COL12A1: variants seen among roughly 807,000 people sequenced by gnomAD.
COL12A1 encodes the protein collagen alpha-1(XII) chain.
Under a neutral mutation model 349.7 loss-of-function variants are expected in COL12A1, and 114 were observed. The ratio of observed to expected loss-of-function variants is 0.33; its 90% CI spans 0.28 to 0.38. The LOEUF (loss-of-function observed/expected upper bound fraction) is 0.38, where lower values mean the gene tolerates loss of function less well. Ranked by LOEUF, COL12A1 falls within the 10% of genes least tolerant of loss-of-function variation. The probability of loss-of-function intolerance (pLI) is 1.00; values close to 1 mark genes in which losing one functional copy is unlikely to be tolerated. For synonymous variants in COL12A1, 1,369 were observed against 1,329.0 expected (o/e 1.03, Z -0.66); for missense variants, 3,284 against 3,756.9 (o/e 0.87, Z 3.29).
intron 2 of COL12A1, among the ~76,000 whole-genome samples, chr6:75,197,020 G>A (rs773332211): frequency 2.6e-5 from 4 of 152,122 alleles, no homozygotes; most frequent in South Asian, 4.1e-4. Flanking sequence ...TGGCCAACCC[G>A]CATGGGTACA....
intron 11 of COL12A1, 151 bp downstream of exon 11, chr6:75,180,788 G>A (rs1486662122): frequency 1.1e-6 from 1 of 951,608 alleles, no homozygotes; most frequent in East Asian, 2.6e-5. Context: ...TTTTTAAAAA[G>A]ATTTATGAAA....
chr6:75,185,536 A>G (rs376521272), intron 8 of COL12A1, among the ~76,000 whole-genome samples: 1 of 152,240 alleles, frequency 6.6e-6, no homozygotes, highest in Non-Finnish European at 1.5e-5. Context: ...TAAAATGGCC[A>G]TACTGCCAAA....
At chr6:75,103,652 ACCTGAG>A in intron 55 of COL12A1, 99 bp downstream of exon 55, 1 of 853,034 alleles carries the variant, frequency 1.2e-6, no homozygotes, top group African/African-American at 1.7e-5. Flanking sequence ...GGCACACTGA[ACCTGAG>A]CTGACTTGCT....
At chr6:75,135,591 A>G (rs1766566782) in intron 31 of COL12A1, among the ~76,000 whole-genome samples, 1 of 152,206 alleles carries the variant, frequency 6.6e-6, no homozygotes, top group Non-Finnish European at 1.5e-5. Flanking sequence ...ATGTCATACT[A>G]ATTAAAATCG....
chr6:75,173,462 C>T (rs1055763001), intron 13 of COL12A1, among the ~76,000 whole-genome samples: 8 of 152,032 alleles, frequency 5.3e-5, no homozygotes, highest in African/African-American at 1.4e-4. Flanking sequence ...CTGCAACCTC[C>T]GCCTCTCGAG....
At chr6:75,172,421 C>A (rs1421805113) in intron 13 of COL12A1, among the ~76,000 whole-genome samples, 1 of 152,084 alleles carries the variant, frequency 6.6e-6, no homozygotes, top group Non-Finnish European at 1.5e-5. Context: ...GGCTAAAAGG[C>A]ACAACCAGAA....
intron 44 of COL12A1, 69 bp from the exon 45 acceptor site, chr6:75,119,542 CTCTAGCT>C: frequency 6.5e-7 from 1 of 1,530,784 alleles, no homozygotes. Flanking sequence ...TCAAATGATT[CTCTAGCT>C]GCGGAATAAA....
At chr6:75,184,355 A>C (rs2149467891) in intron 8 of COL12A1, among the ~76,000 whole-genome samples, 1 of 152,358 alleles carries the variant, frequency 6.6e-6, no homozygotes, top group South Asian at 2.1e-4. Context: ...ATTGCTGAGA[A>C]GTTAATGGAA....
chr6:75,156,314 C>T lies in COL12A1; in HGVS notation c.3193G>A (p.Val1065Ile), dbSNP rs752357736. Residue 1065 changes from valine to isoleucine, a missense_variant, in exon 15 of 66, where the codon GTT becomes ATT. Physicochemically the swap from Val to Ile is conservative, Grantham distance 29. This residue lies in a region of COL12A1 where 2,601 missense variants were observed against 2,824.8 expected (regional missense o/e 0.92). Transcript: ENST00000322507. ...TCTCCCATCTTGTAAATAGGAAGAACTGTGATGTCATATGTGGTCTGTGGC... is the reference window on the plus strand; with the variant it reads ...TCTCCCATCTTGTAAATAGGAAGAATTGTGATGTCATATGTGGTCTGTGGC... ...LQPQTTYDIT[V>I]LPIYKMGEGK... is the part of the protein sequence containing the mutation. 20 of 1,613,930 alleles carry T rather than the reference C, an allele frequency of 1.2e-5. No individual in the cohort carries two copies. In the South Asian group the frequency reaches 2.2e-4, roughly 18 times the overall value.
rs1767423191 is a variant in COL12A1 at position 75,085,206 on chromosome 6, T to TG, written c.*1340dup. 4.3e-6 allele frequency: 2 copies of TG among 467,946 alleles called. No individual in the cohort carries two copies. Among genetic ancestry groups the TG allele is most frequent in the Non-Finnish European group, 8.8e-6 (2 of 226,304 alleles). 29.0% of individuals were successfully genotyped at this position (467,946 alleles called of 1,614,324 possible). Reference sequence around the variant, plus strand: ...ATCTCTGGTTCACTGCCCGGGTCCGTGGGGCAGGGCGCGCCGCCAGCGCCG... The same window carrying TG: ...ATCTCTGGTTCACTGCCCGGGTCCGTGGGGGCAGGGCGCGCCGCCAGCGCCG... On this transcript the variant is annotated 3_prime_UTR_variant, in exon 66 of 66. Coordinates refer to ENST00000322507, the MANE Select transcript of COL12A1 (RefSeq NM_004370.6).
At chr6:75,128,905 A>G (rs74576584) in intron 37 of COL12A1, among the ~76,000 whole-genome samples, 11 of 152,324 alleles carry the variant, frequency 7.2e-5, no homozygotes, top group Admixed American at 3.3e-4. Flanking sequence ...GGCCTCAAAA[A>G]TATCAGTTTG....
rs755221707 is a variant in COL12A1, at chr6:75,151,142, T to G, written c.4146A>C (p.Pro1382=). Residue 1382 remains proline, a splice_region_variant and synonymous_variant, in exon 21 of 66, where the codon CCA becomes CCC. Coordinates refer to ENST00000322507, the MANE Select transcript of COL12A1 (RefSeq NM_004370.6). The part of the protein sequence containing the change: ...TINLCNSVKG[P]GDLEAPSNLV... ...AGAGAAACTCTGGGTTAAACTTACC[T>G]GGACCTTTGACACTGTTACACAAAT... 6.9e-7 allele frequency: 1 copy of G among 1,444,046 alleles called. No homozygotes were observed. The allele number at this position is 1,444,046 out of a possible 1,614,324, so 89.5% of individuals were successfully genotyped here. A position where few individuals can be genotyped will look rare whatever the true frequency, so the allele number is the denominator to read the frequency against.
Position 75,205,769 on chromosome 6 carries a change from A to C in COL12A1, c.-36+8T>G, listed in dbSNP as rs960915076. ...GGGTAGGGGAAAGGGGACAGAAACC[A>C]GGCTGACCTGAGGCGGCGGCAACAG... On this transcript the variant is annotated splice_region_variant and intron_variant, in intron 1 of 65. Coordinates refer to ENST00000322507, the MANE Select transcript of COL12A1 (RefSeq NM_004370.6). The C allele has an allele frequency of 6.4e-6, 1 of 156,460 alleles. No individual in the cohort carries two copies. The highest frequency in any genetic ancestry group is 2.4e-5 in the African/African-American group (1 of 41,524). 9.7% of individuals were successfully genotyped at this position (156,460 alleles called of 1,614,324 possible). A position where few individuals can be genotyped will look rare whatever the true frequency, so the allele number is the denominator to read the frequency against.
rs199641311 is a variant in COL12A1 at position 75,194,958 on chromosome 6, G to A, written c.74-11C>T. ...CTGAAGGTGGGTCAACTGCAAAAGA[G>A]AGAGTTTATATTATTAAACTTTTCA... On this transcript the variant is annotated splice_polypyrimidine_tract_variant and intron_variant, in intron 2 of 65. Coordinates refer to ENST00000322507, the MANE Select transcript of COL12A1 (RefSeq NM_004370.6). The A allele has an allele frequency of 2.0e-6, 3 of 1,482,974 alleles. No homozygotes were observed. The highest frequency in any genetic ancestry group is 1.2e-5 in the South Asian group (1 of 83,712). 91.9% of individuals were successfully genotyped at this position (1,482,974 alleles called of 1,614,324 possible).
intron 26 of COL12A1, among the ~76,000 whole-genome samples, chr6:75,142,396 C>T (rs1364408169): frequency 6.6e-6 from 1 of 152,134 alleles, no homozygotes; most frequent in African/African-American, 2.4e-5. Context: ...ATAATTACTG[C>T]CTATGTATTC....
At chr6:75,087,179 T>C (rs1376154993) in intron 65 of COL12A1, 1 of 207,876 alleles carries the variant, frequency 4.8e-6, no homozygotes, top group Non-Finnish European at 9.5e-6. Context: ...TATTATTACA[T>C]AGTTTACCCA....
At chr6:75,096,544 A>G (rs1216020690) in intron 59 of COL12A1, among the ~76,000 whole-genome samples, 1 of 152,190 alleles carries the variant, frequency 6.6e-6, no homozygotes, top group Non-Finnish European at 1.5e-5. Context: ...AGAACAACTG[A>G]TGGCTGTTCA....
At chr6:75,089,349 C>A (rs1390126854) in intron 63 of COL12A1, among the ~76,000 whole-genome samples, 175 bp from the exon 64 acceptor site, 2 of 151,986 alleles carry the variant, frequency 1.3e-5, no homozygotes, top group Non-Finnish European at 2.9e-5. Flanking sequence ...TTGTGTAATT[C>A]TAGATTTATG....
chr6:75,183,051 T>C lies in COL12A1; in HGVS notation c.1890A>G (p.Lys630=), dbSNP rs1769399970. Residue 630 remains lysine (K), a splice_region_variant and synonymous_variant, in exon 10 of 66, where the codon AAA becomes AAG. Transcript: ENST00000322507. ...CTTTTACTCTCAAAGTCTACTAACC[T>C]TTCTTCTTTATAGCTGCCAATTCTT... The part of the protein sequence containing the change: ...IEQELAAIKK[K]AYVPPKDLSF... 6.3e-7 allele frequency: 1 copy of C among 1,595,638 alleles called. No individual in the cohort carries two copies. Among genetic ancestry groups the C allele is most frequent in the South Asian group, 1.1e-5 (1 of 87,160 alleles).
Sources: allele counts gnomAD v4.1 joint callset (sites outside exome capture counted in the v4.1 genomes callset), GRCh38; gene constraint gnomAD v4.1.1; regional missense constraint gnomAD v4.1.1; transcripts MANE v1.5; gene names NCBI Gene and HGNC (gene_info 2026-07-23, HGNC 2026-07-21).